LRP1B: variants seen among roughly 807,000 people sequenced by gnomAD.
The protein encoded by LRP1B is low-density lipoprotein receptor-related protein 1B.
Under a neutral mutation model 556.6 loss-of-function variants are expected in LRP1B, and 217 were observed. The observed-to-expected ratio is 0.39, with a 90% CI of 0.35 to 0.44. The LOEUF (loss-of-function observed/expected upper bound fraction) is 0.44. Among genes scored for constraint, LRP1B ranks in the 20% least tolerant of loss-of-function variants. The pLI is 1.00. For synonymous variants in LRP1B, 2,047 were observed against 1,865.8 expected, an observed-to-expected ratio of 1.10 and a Z score of -2.50; for missense variants, 5,053 against 5,620.8, an observed-to-expected ratio of 0.90 and a Z score of 3.23.
chr2:140,532,587 G>A (rs906941339), intron 47 of LRP1B, among the ~76,000 whole-genome samples: 4 of 151,718 alleles, frequency 2.6e-5, no homozygotes, highest in Admixed American at 6.6e-5. Flanking sequence ...AGTCGAGATG[G>A]GGTTTCACCA....
chr2:140,409,269 T>G (rs1684872460), intron 66 of LRP1B, among the ~76,000 whole-genome samples: 1 of 151,864 alleles, frequency 6.6e-6, no homozygotes, highest in Non-Finnish European at 1.5e-5. Context: ...TATAAACCTA[T>G]AAAGTCGGTG....
At chr2:140,485,860 C>CACAT (rs1688449725) in intron 58 of LRP1B, among the ~76,000 whole-genome samples, 1 of 150,934 alleles carries the variant, frequency 6.6e-6, no homozygotes, top group Admixed American at 6.6e-5. Flanking sequence ...CACACACACA[C>CACAT]ACACACACAC....
intron 2 of LRP1B, among the ~76,000 whole-genome samples, chr2:141,503,955 A>G (rs62167896): frequency 0.056 from 8,504 of 152,178 alleles, 276 homozygotes; most frequent in Non-Finnish European, 0.066. Context: ...GTACACAGGA[A>G]TAAATTAGAA....
chr2:141,847,111 T>C (rs1697680765), intron 1 of LRP1B, among the ~76,000 whole-genome samples: 2 of 151,548 alleles, frequency 1.3e-5, no homozygotes, highest in Non-Finnish European at 1.5e-5. Context: ...GAACAAATTT[T>C]AAAATCATTA....
At chr2:141,871,166 A>G (rs922978574) in intron 1 of LRP1B, among the ~76,000 whole-genome samples, 1 of 151,814 alleles carries the variant, frequency 6.6e-6, no homozygotes, top group African/African-American at 2.4e-5. Flanking sequence ...CAATCCCTCA[A>G]CTTGACCTCC....
intron 7 of LRP1B, among the ~76,000 whole-genome samples, chr2:141,071,155 C>G (rs1436967883): frequency 1.9e-4 from 28 of 151,068 alleles, no homozygotes; most frequent in East Asian, 1.4e-3. Context: ...AGCTTATCCA[C>G]CATGATCAAG....
At chr2:141,498,557 T>C (rs553146670) in intron 2 of LRP1B, among the ~76,000 whole-genome samples, 2 of 152,088 alleles carry the variant, frequency 1.3e-5, no homozygotes. Flanking sequence ...GTTCACGATC[T>C]ATTATGGCAT....
intron 35 of LRP1B, among the ~76,000 whole-genome samples, chr2:140,727,922 T>G (rs1410792736): frequency 6.6e-6 from 1 of 152,186 alleles, no homozygotes; most frequent in African/African-American, 2.4e-5. Flanking sequence ...ATACAAATGC[T>G]AATGGACAAT....
At chr2:141,228,579 A>ATGTGTG (rs1339790628) in intron 6 of LRP1B, among the ~76,000 whole-genome samples, 13 of 80,964 alleles carry the variant, frequency 1.6e-4, no homozygotes, top group African/African-American at 5.9e-4. Flanking sequence ...GTCTGTGTGT[A>ATGTGTG]TGAGTGTGTG....
intron 2 of LRP1B, among the ~76,000 whole-genome samples, chr2:141,623,708 C>A (rs12992837): frequency 4.0e-5 from 6 of 151,624 alleles, no homozygotes; most frequent in Non-Finnish European, 7.4e-5. Context: ...ATGTTATGAC[C>A]TCTAATGCAT....
intron 7 of LRP1B, among the ~76,000 whole-genome samples, chr2:141,086,152 A>T (rs962774270): frequency 2.0e-5 from 3 of 152,216 alleles, no homozygotes; most frequent in African/African-American, 7.2e-5. Context: ...TTAGTTAATA[A>T]GCCATCTGTG....
chr2:141,546,780 C>T (rs1225295890), intron 2 of LRP1B, among the ~76,000 whole-genome samples: 3 of 152,180 alleles, frequency 2.0e-5, no homozygotes, highest in Non-Finnish European at 4.4e-5. Context: ...GCATCTGACA[C>T]TGCTGACATC....
rs1240402086 is a variant in LRP1B at position 140,330,100 on chromosome 2, TGAGGCAGAAGAATTGCTTGAACCCGG to T, written c.12224-4248_12224-4223del. On this transcript the variant is annotated intron_variant, in intron 79 of 90. Coordinates refer to ENST00000389484, the MANE Select transcript of LRP1B (RefSeq NM_018557.3). ...CTGTAATCCCAGCTACTTGGGAGGC[TGAGGCAGAAGAATTGCTTGAACCCGG>T]GAGGCAGAGGCTGCAGTGAACCAGA... 5.3e-5 allele frequency among the ~76,000 whole-genome samples: 8 copies of T among 151,230 alleles called. No homozygotes were observed. The East Asian group carries it at 1.4e-3, about 26-fold the overall frequency.
At chr2:140,762,946 C>T (rs957232253) in intron 35 of LRP1B, among the ~76,000 whole-genome samples, 38 of 151,966 alleles carry the variant, frequency 2.5e-4, no homozygotes, top group African/African-American at 8.0e-4. Flanking sequence ...AAGGTACCAA[C>T]GTACCTAAGC....
At chr2:141,797,921 T>C (rs1695876657) in intron 2 of LRP1B, among the ~76,000 whole-genome samples, 1 of 152,126 alleles carries the variant, frequency 6.6e-6, no homozygotes, top group Admixed American at 6.6e-5. Flanking sequence ...GGGAAAATAT[T>C]CTGGATTAAA....
rs530318637 is a variant in LRP1B, at chr2:140,262,710, AG to A, written c.13247+7531del. 2.6e-5 allele frequency among the ~76,000 whole-genome samples: 4 copies of A among 152,146 alleles called. No homozygotes were observed. In the South Asian group the frequency reaches 6.2e-4, roughly 24 times the overall value. Reference sequence around the variant, plus strand: ...CAGAAAACAAGAGGAATACTTCTAAAGGGGGGGAGTCCCTGACCTCCTCACT... The same window carrying A: ...CAGAAAACAAGAGGAATACTTCTAAAGGGGGGAGTCCCTGACCTCCTCACT... On this transcript the variant is annotated intron_variant, in intron 86 of 90. Transcript: ENST00000389484.
chr2:140,248,873 T>C (rs186117123), intron 86 of LRP1B, among the ~76,000 whole-genome samples: 2 of 151,582 alleles, frequency 1.3e-5, no homozygotes, highest in Admixed American at 6.6e-5. Flanking sequence ...TGCCAAATTT[T>C]TCTAATTTAC....
intron 2 of LRP1B, among the ~76,000 whole-genome samples, chr2:141,764,437 C>G (rs1694669229): frequency 6.6e-6 from 1 of 152,192 alleles, no homozygotes; most frequent in South Asian, 2.1e-4. Flanking sequence ...CTGCCTCGGC[C>G]TCCCAAAGTG....
chr2:140,641,783 AT>A (rs1273660664), intron 41 of LRP1B, among the ~76,000 whole-genome samples: 1 of 152,210 alleles, frequency 6.6e-6, no homozygotes, highest in African/African-American at 2.4e-5. Flanking sequence ...GAATAAAGAT[AT>A]TTATTGAGAG....
Sources: gnomAD v4.1 joint callset for allele counts (sites outside exome capture counted in the v4.1 genomes callset) on GRCh38, gnomAD v4.1.1 for gene constraint, MANE v1.5 for transcripts, NCBI Gene and HGNC (gene_info 2026-07-23, HGNC 2026-07-21) for gene names.